Variants in TRPV2 observed in about 807,000 individuals in gnomAD.
The protein encoded by TRPV2 is OTRPC2.
TRPV2 carries 58 observed loss-of-function variants against 91.0 expected under a neutral mutation model. The ratio of observed to expected loss-of-function variants is 0.64; its 90% CI spans 0.52 to 0.79. The LOEUF (loss-of-function observed/expected upper bound fraction) is 0.79. TRPV2 is among the 30% of genes least tolerant of loss of function. The pLI is 0.00. For synonymous variants in TRPV2, 417 were observed against 414.8 expected, an observed-to-expected ratio of 1.01 and a Z score of -0.06; for missense variants, 807 against 969.6, an observed-to-expected ratio of 0.83 and a Z score of 2.23.
intron 12 of TRPV2, chr17:16,433,153 A>C (rs2093421097): frequency 6.1e-6 from 1 of 164,926 alleles, no homozygotes; most frequent in African/African-American, 2.4e-5. Flanking sequence ...ATCTCCTCTG[A>C]GCCTTGGTGC....
chr17:16,423,584 A>C lies in TRPV2; in HGVS notation c.741A>C (p.Thr247=). 1 of 1,614,202 alleles carries C rather than the reference A, an allele frequency of 6.2e-7. No homozygotes were observed. Among genetic ancestry groups the C allele is most frequent in the Non-Finnish European group, 8.5e-7 (1 of 1,180,038 alleles). Residue 247 remains threonine, a synonymous_variant, in exon 5 of 15, where the codon ACA becomes ACC. Transcript: ENST00000338560. ...SLQATDSQGN[T]VLHALVMISD... The stretch of plus-strand genomic sequence containing the variant: ...AGGCCACTGACTCCCAGGGCAACAC[A>C]GTCCTGCATGCCCTAGTGATGATCT...
In TRPV2 at chr17:16,426,589, G is replaced by A. The variant is rs2093384231; in HGVS notation, c.1096-133G>A. 6 of 1,092,302 alleles carry A rather than the reference G, an allele frequency of 5.5e-6. 1 individual carries two copies. The highest frequency in any genetic ancestry group is 2.6e-5 in the East Asian group (1 of 38,846). 67.7% of individuals were successfully genotyped at this position (1,092,302 alleles called of 1,614,324 possible). A position where few individuals can be genotyped will look rare whatever the true frequency, so the allele number is the denominator to read the frequency against. On this transcript the variant is annotated intron_variant, in intron 6 of 14. Transcript: ENST00000338560. This position sits in a 1 kb window ranked among gnomAD's most constrained non-coding sequence, Gnocchi z 6.0. ...GAGGGTTGGCGTGAGGTCCTTTGGG[G>A]CTCCTGGGGTGTGGAAGCCTGCTCC... is the stretch of plus-strand genomic sequence containing the variant.
chr17:16,423,844 C>T lies in TRPV2; in HGVS notation c.924+77C>T, dbSNP rs978356170. 18 of 1,436,050 alleles carry T rather than the reference C, an allele frequency of 1.3e-5. No individual in the cohort carries two copies. The Admixed American group carries it at 3.6e-4, about 29-fold the overall frequency. 89.0% of individuals were successfully genotyped at this position (1,436,050 alleles called of 1,614,324 possible). A position where few individuals can be genotyped will look rare whatever the true frequency, so the allele number is the denominator to read the frequency against. On this transcript the variant is annotated intron_variant, in intron 5 of 14. Coordinates refer to ENST00000338560, the MANE Select transcript of TRPV2 (RefSeq NM_016113.5). ...ATCCCAAAATTTCTGCAGAAAGAAC[C>T]CAGGGGGTGGTGAAGAGCAGTGGCT... is the stretch of plus-strand genomic sequence containing the variant.
In TRPV2 at chr17:16,432,175, G is replaced by T. The variant is rs1568920636; in HGVS notation, c.1864G>T (p.Val622Leu). The change falls in exon 12 of 15, where the codon GTG becomes TTG. Residue 622 changes from valine to leucine, a missense_variant. Physicochemically the swap from Val to Leu is conservative, Grantham distance 32. Coordinates refer to ENST00000338560, the MANE Select transcript of TRPV2 (RefSeq NM_016113.5). ...FQEQLHFRGM[V>L]LLLLLAYVLL... Reference sequence around the variant, plus strand: ...GGAGCAGCTGCACTTCCGCGGCATGGTGCTGCTGCTGCTGCTGGCCTACGT... The same window carrying T: ...GGAGCAGCTGCACTTCCGCGGCATGTTGCTGCTGCTGCTGCTGGCCTACGT... The T allele has an allele frequency of 2.5e-6, 4 of 1,613,302 alleles. No individual in the cohort carries two copies. The highest frequency in any genetic ancestry group is 1.7e-6 in the Non-Finnish European group (2 of 1,179,394).
At position 16,417,692 on chromosome 17, in the gene TRPV2, A is replaced by G. The variant is rs760606289; in HGVS notation, c.24A>G (p.Pro8=). Residue 8 remains proline (P), a synonymous_variant, in exon 2 of 15, where the codon CCA becomes CCG. Coordinates refer to ENST00000338560, the MANE Select transcript of TRPV2 (RefSeq NM_016113.5). ...GGATGACCTCACCCTCCAGCTCTCC[A>G]GTTTTCAGGTTGGAGACATTAGATG... MTSPSSS[P]VFRLETLDGG... is the part of the protein sequence containing the mutation. 2 of 1,614,108 alleles carry G rather than the reference A, an allele frequency of 1.2e-6. No individual in the cohort carries two copies. Among genetic ancestry groups the G allele is most frequent in the Admixed American group, 3.3e-5 (2 of 60,018 alleles).
Position 16,422,762 on chromosome 17 carries a change from T to C in TRPV2, c.498T>C (p.Ala166=). 6.3e-7 allele frequency: 1 copy of C among 1,578,092 alleles called. No individual in the cohort carries two copies. Among genetic ancestry groups the C allele is most frequent in the Admixed American group, 1.8e-5 (1 of 54,726 alleles). ...ATGACTATTACCGAGGCCACAGCGC[T>C]CTGCACATCGCCATTGAGAAGAGGA... is the stretch of plus-strand genomic sequence containing the variant. The part of the protein sequence containing the change: ...CTDDYYRGHS[A]LHIAIEKRSL... Residue 166 remains alanine, a synonymous_variant, in exon 4 of 15, where the codon GCT becomes GCC. Coordinates refer to ENST00000338560, the MANE Select transcript of TRPV2 (RefSeq NM_016113.5).
intron 10 of TRPV2, 43 bp downstream of exon 10, chr17:16,429,025 C>T: frequency 6.2e-7 from 1 of 1,604,534 alleles, no homozygotes; most frequent in Non-Finnish European, 8.5e-7. Flanking sequence ...TTGGCCTCAT[C>T]AGGCAAGAAG....
intron 12 of TRPV2, 161 bp from the exon 13 acceptor site, chr17:16,433,413 G>A: frequency 1.9e-6 from 2 of 1,038,214 alleles, no homozygotes; most frequent in South Asian, 3.1e-5. Flanking sequence ...ACCCCACACA[G>A]GTAACCGGAT....
intron 1 of TRPV2, 40 bp from the exon 2 acceptor site, chr17:16,417,522 C>T (rs1043075748): frequency 3.6e-5 from 28 of 788,568 alleles, no homozygotes; most frequent in Admixed American, 1.6e-4. Flanking sequence ...CCAGCCACCA[C>T]GCCCAGCCTT....
intron 12 of TRPV2, 157 bp from the exon 13 acceptor site, chr17:16,433,417 A>G: frequency 9.4e-7 from 1 of 1,058,906 alleles, no homozygotes; most frequent in Non-Finnish European, 1.4e-6. Context: ...CACACAGGTA[A>G]CCGGATGTTG....
intron 10 of TRPV2, among the ~76,000 whole-genome samples, chr17:16,430,377 A>G (rs1284657174): frequency 6.6e-6 from 1 of 152,004 alleles, no homozygotes; most frequent in Non-Finnish European, 1.5e-5. Context: ...CCATAGCTAC[A>G]TCGTAGAAGT....
In TRPV2 at chr17:16,433,945, A is replaced by T. The variant is rs79930509; in HGVS notation, c.2114+247A>T. ...GAAGGTCCCCTCCTGGTGATCTCAG[A>T]CTCCTCCTTGTAGCCTGAAATGTGT... On this transcript the variant is annotated intron_variant, in intron 13 of 14. Transcript: ENST00000338560. Among the ~76,000 whole-genome samples the T allele has an allele frequency of 4.5e-3, 683 of 152,106 alleles. 4 individuals carry two copies. The highest frequency in any genetic ancestry group is 0.016 in the African/African-American group (658 of 41,490).
intron 2 of TRPV2, among the ~76,000 whole-genome samples, chr17:16,419,782 A>T (rs556034754): frequency 6.6e-6 from 1 of 152,326 alleles, no homozygotes; most frequent in African/African-American, 2.4e-5. Flanking sequence ...GTGTGTGCTG[A>T]AGGGGACCCA....
At chr17:16,427,970 C>T (rs1211792958) in intron 8 of TRPV2, among the ~76,000 whole-genome samples, 1 of 152,314 alleles carries the variant, frequency 6.6e-6, no homozygotes, top group South Asian at 2.1e-4. Context: ...GACACCAAGA[C>T]ATTGGGACCT....
chr17:16,433,455 T>C lies in TRPV2; in HGVS notation c.1990-119T>C, dbSNP rs1037197756. The C allele has an allele frequency of 5.6e-6, 8 of 1,431,102 alleles. No individual in the cohort carries two copies. The African/African-American group carries it at 7.1e-5, about 13-fold the overall frequency. The allele number at this position is 1,431,102 out of a possible 1,614,324, so 88.7% of individuals were successfully genotyped here. A position where few individuals can be genotyped will look rare whatever the true frequency, so the allele number is the denominator to read the frequency against. On this transcript the variant is annotated intron_variant, in intron 12 of 14. Transcript: ENST00000338560. The stretch of plus-strand genomic sequence containing the variant: ...GCCAGATTCGAATCCGCGTGTTTAG[T>C]TGACTTCGCGTTATACTGTGAAGTG...
At chr17:16,436,472 C>T (rs1424106855) in intron 14 of TRPV2, among the ~76,000 whole-genome samples, 1 of 152,218 alleles carries the variant, frequency 6.6e-6, no homozygotes, top group Non-Finnish European at 1.5e-5. Context: ...ACCGCCCCTG[C>T]AGGACAGGTC....
Position 16,426,672 on chromosome 17 carries a change from C to T in TRPV2, c.1096-50C>T, listed in dbSNP as rs765591277. 1.9e-6 allele frequency: 3 copies of T among 1,579,398 alleles called. No homozygotes were observed. The highest frequency in any genetic ancestry group is 2.7e-5 in the African/African-American group (2 of 74,142). ...TTTGATCTTGACATGGAGTGGGCAGCCTATTTGCACTTGTTGAGTGTACCC... is the reference window on the plus strand; with the variant it reads ...TTTGATCTTGACATGGAGTGGGCAGTCTATTTGCACTTGTTGAGTGTACCC... On this transcript the variant is annotated intron_variant, in intron 6 of 14. Coordinates refer to ENST00000338560, the MANE Select transcript of TRPV2 (RefSeq NM_016113.5). This position sits in a 1 kb window ranked among gnomAD's most constrained non-coding sequence, Gnocchi z 6.0.
intron 9 of TRPV2, 42 bp downstream of exon 9, chr17:16,428,429 G>A (rs1484391707): frequency 1.3e-6 from 2 of 1,599,226 alleles, no homozygotes; most frequent in Non-Finnish European, 1.7e-6. Context: ...CTGTCTCTGA[G>A]GTCTGGAAGG....
In TRPV2 at chr17:16,426,350, G is replaced by T. The variant is rs1600974982; in HGVS notation, c.1095+81G>T. On this transcript the variant is annotated intron_variant, in intron 6 of 14. Coordinates refer to ENST00000338560, the MANE Select transcript of TRPV2 (RefSeq NM_016113.5). The surrounding 1 kb of genome is among the most constrained non-coding windows in gnomAD (Gnocchi z 6.0). ...GTCCACAAATTGGGGCTGCCTGCTG[G>T]ACCATATCTGCCCCATTCCTGTGCC... 6.6e-7 allele frequency: 1 copy of T among 1,518,044 alleles called. No individual in the cohort carries two copies. Among genetic ancestry groups the T allele is most frequent in the South Asian group, 1.2e-5 (1 of 81,922 alleles). 94.0% of individuals were successfully genotyped at this position (1,518,044 alleles called of 1,614,324 possible).
Sources: gnomAD v4.1 joint callset for allele counts (sites outside exome capture counted in the v4.1 genomes callset) on GRCh38, gnomAD v4.1.1 for gene constraint, Gnocchi (gnomAD v3.1) non-coding constraint, MANE v1.5 for transcripts, NCBI Gene and HGNC (gene_info 2026-07-23, HGNC 2026-07-21) for gene names.